The following SLC36A1 variants were observed in gnomAD, a reference collection of about 807,000 sequenced individuals.
SLC36A1 encodes solute carrier family 36 member 1.
SLC36A1 carries 30 observed loss-of-function variants against 47.5 expected under a neutral mutation model. The observed-to-expected ratio is 0.63, with a 90% confidence interval of 0.47 to 0.86. The LOEUF (loss-of-function observed/expected upper bound fraction) is 0.86. Ranked by LOEUF, SLC36A1 falls within the 40% of genes least tolerant of loss-of-function variation. The pLI is 0.00. For synonymous variants in SLC36A1, 255 were observed against 249.7 expected, an observed-to-expected ratio of 1.02 and a Z score of -0.20; for missense variants, 517 against 606.0, an observed-to-expected ratio of 0.85 and a Z score of 1.54.
At position 151,467,297 on chromosome 5, in the gene SLC36A1, T is replaced by G; in HGVS notation, c.504+14T>G. 1 of 1,148,020 alleles carries G rather than the reference T, an allele frequency of 8.7e-7. No homozygotes were observed. Among genetic ancestry groups the G allele is most frequent in the Non-Finnish European group, 1.2e-6 (1 of 860,690 alleles). The allele number at this position is 1,148,020 out of a possible 1,614,324, so 71.1% of individuals were successfully genotyped here. On this transcript the variant is annotated intron_variant, in intron 6 of 10. Coordinates refer to ENST00000243389, the MANE Select transcript of SLC36A1 (RefSeq NM_078483.4). ...AACTTTAAACAGGTAGGCACCTGGT[T>G]AAAAAAGAAAAAAAAAAAAAAAACC...
chr5:151,431,138 C>T, the SLC36A1 span: 1 of 152,172 alleles, frequency 6.6e-6, no homozygotes, highest in African/African-American at 2.4e-5. Context: ...CACAACTTCT[C>T]TACACCTCTT....
the SLC36A1 span, chr5:151,505,874 G>C: frequency 3.1e-6 from 5 of 1,606,018 alleles, no homozygotes; most frequent in African/African-American, 1.3e-5. Flanking sequence ...GATCTTCCAG[G>C]TTCTGGTTGC....
intron 1 of SLC36A1, among the ~76,000 whole-genome samples, chr5:151,437,331 A>T (rs964326097): frequency 1.9e-4 from 29 of 152,218 alleles, no homozygotes; most frequent in Non-Finnish European, 3.5e-4. Context: ...TCACATCTTT[A>T]AAAATGCTCA....
the SLC36A1 span, among the ~76,000 whole-genome samples, chr5:151,517,081 C>T: frequency 1.8e-4 from 27 of 150,136 alleles, no homozygotes; most frequent in Middle Eastern, 0.01. Context: ...GCACTCCAGC[C>T]TCGGTGACAG....
At chr5:151,478,907 T>C (rs1758438600) in intron 9 of SLC36A1, among the ~76,000 whole-genome samples, 1 of 152,200 alleles carries the variant, frequency 6.6e-6, no homozygotes, top group South Asian at 2.1e-4. Context: ...AAAAGTGATA[T>C]AAAACTGTCC....
upstream of SLC36A1, among the ~76,000 whole-genome samples, chr5:151,447,253 A>T (rs1008757556): frequency 6.6e-6 from 1 of 152,212 alleles, no homozygotes; most frequent in African/African-American, 2.4e-5. Flanking sequence ...CTTCTGAAAA[A>T]TTGGAAGTTT....
chr5:151,526,487 T>C, the SLC36A1 span, among the ~76,000 whole-genome samples: 1 of 152,226 alleles, frequency 6.6e-6, no homozygotes, highest in African/African-American at 2.4e-5. Flanking sequence ...TTGTATAACA[T>C]GGGCATTTAG....
At chr5:151,538,525 AG>A in the SLC36A1 span, among the ~76,000 whole-genome samples, 160 of 152,236 alleles carry the variant, frequency 1.1e-3, 1 homozygote, top group South Asian at 0.017. Flanking sequence ...CATCTGAGGG[AG>A]TGGCAGAGGG....
the SLC36A1 span, chr5:151,512,846 C>T: frequency 1.8e-6 from 1 of 545,930 alleles, no homozygotes; most frequent in Admixed American, 3.2e-5. This position sits in a 1 kb window ranked among gnomAD's most constrained non-coding sequence, Gnocchi z 4.1. Flanking sequence ...TCTCCATTCA[C>T]AGATGAGGAA....
At chr5:151,529,501 A>G in the SLC36A1 span, 1 of 837,014 alleles carries the variant, frequency 1.2e-6, no homozygotes, top group African/African-American at 1.7e-5. Flanking sequence ...GGGCTAGGCA[A>G]GGTAAGTGTC....
At chr5:151,514,037 A>G in the SLC36A1 span, among the ~76,000 whole-genome samples, 1 of 152,184 alleles carries the variant, frequency 6.6e-6, no homozygotes, top group African/African-American at 2.4e-5. Flanking sequence ...TTTTCTGGTC[A>G]CTTTGGGCTA....
At chr5:151,401,745 A>G in the SLC36A1 span, among the ~76,000 whole-genome samples, 7 of 152,240 alleles carry the variant, frequency 4.6e-5, no homozygotes, top group South Asian at 2.1e-4. Context: ...AGTTAGATCT[A>G]TTCCTAGGTA....
At chr5:151,548,483 A>T in the SLC36A1 span, among the ~76,000 whole-genome samples, 2 of 152,088 alleles carry the variant, frequency 1.3e-5, no homozygotes, top group Non-Finnish European at 2.9e-5. Flanking sequence ...ATGTATTAAC[A>T]TACATTTTCT....
At chr5:151,527,513 G>A in the SLC36A1 span, 4 of 739,500 alleles carry the variant, frequency 5.4e-6, no homozygotes, top group African/African-American at 3.6e-5. Flanking sequence ...CCCACCCGTA[G>A]CATTTTAGGG....
chr5:151,488,176 G>A lies in SLC36A1; in HGVS notation c.1353G>A (p.Gly451=). ...TGGGCTTCGTGGGCTTTGTGGTGGGGACCTATGAGGCTCTCTATGAGCTGA... is the reference window on the plus strand; with the variant it reads ...TGGGCTTCGTGGGCTTTGTGGTGGGAACCTATGAGGCTCTCTATGAGCTGA... ...SILGFVGFVV[G]TYEALYELIQ... The change falls in exon 11 of 11, where the codon GGG becomes GGA. Residue 451 remains glycine, a synonymous_variant. Transcript: ENST00000243389. 1 of 1,614,172 alleles carries A rather than the reference G, an allele frequency of 6.2e-7. No homozygotes were observed. Among genetic ancestry groups the A allele is most frequent in the Non-Finnish European group, 8.5e-7 (1 of 1,180,036 alleles).
At chr5:151,404,002 C>T in the SLC36A1 span, among the ~76,000 whole-genome samples, 1 of 152,136 alleles carries the variant, frequency 6.6e-6, no homozygotes. Context: ...ATCTGTCTTA[C>T]ACTGTGAGTG....
At chr5:151,346,411 C>T in the SLC36A1 span, among the ~76,000 whole-genome samples, 1 of 152,206 alleles carries the variant, frequency 6.6e-6, no homozygotes, top group African/African-American at 2.4e-5. Context: ...CCCCGAGAAA[C>T]ACATCCTCCG....
At chr5:151,529,121 G>GA in the SLC36A1 span, 1 of 1,484,842 alleles carries the variant, frequency 6.7e-7, no homozygotes, top group South Asian at 1.1e-5. Flanking sequence ...GTGGGGGTGA[G>GA]ATAAGAACCC....
At chr5:151,550,917 A>G in the SLC36A1 span, 1 of 1,586,194 alleles carries the variant, frequency 6.3e-7, no homozygotes, top group Non-Finnish European at 8.6e-7. Context: ...GCCCCAGGGG[A>G]ACAGGGACTG....
Sources: allele counts gnomAD v4.1 joint callset (sites outside exome capture counted in the v4.1 genomes callset), GRCh38; gene constraint gnomAD v4.1.1; non-coding constraint Gnocchi (gnomAD v3.1); transcripts MANE v1.5; gene names NCBI Gene and HGNC (gene_info 2026-07-23, HGNC 2026-07-21).